Variants in CORO2B observed in about 807,000 individuals in gnomAD.
CORO2B encodes coronin-2B.
A neutral mutation model predicts 58.8 loss-of-function variants in CORO2B; 26 were observed. The ratio of observed to expected loss-of-function variants is 0.44; its 90% CI spans 0.32 to 0.61. The LOEUF is 0.61. Ranked by LOEUF, CORO2B falls within the 20% of genes least tolerant of loss-of-function variation. The pLI is 0.04. For missense variants in CORO2B, 460 were observed against 645.1 expected (o/e 0.71, Z 3.11); for synonymous variants, 242 against 253.8 (o/e 0.95, Z 0.44).
intron 8 of CORO2B, among the ~76,000 whole-genome samples, chr15:68,717,043 C>G (rs185592014): frequency 2.0e-5 from 3 of 152,258 alleles, no homozygotes; most frequent in Admixed American, 6.5e-5. Flanking sequence ...GTGGCTCAAG[C>G]CTGTAATCCT....
At chr15:68,580,367 TG>T (rs1469142679) in intron 1 of CORO2B, among the ~76,000 whole-genome samples, 1 of 142,772 alleles carries the variant, frequency 7.0e-6, no homozygotes, top group African/African-American at 2.5e-5. Context: ...CAGCCCAGAG[TG>T]GGGTCAGATG....
At chr15:68,568,784 C>A in the CORO2B span, among the ~76,000 whole-genome samples, 1 of 152,028 alleles carries the variant, frequency 6.6e-6, no homozygotes, top group African/African-American at 2.4e-5. Flanking sequence ...ACAATGGGAA[C>A]ACATGGACAC....
chr15:68,543,415 C>G, the CORO2B span, among the ~76,000 whole-genome samples: 1 of 152,154 alleles, frequency 6.6e-6, no homozygotes, highest in Admixed American at 6.5e-5. Context: ...CAGCCTGGGC[C>G]AGGTCAACAC....
At chr15:68,547,192 CAA>C in the CORO2B span, among the ~76,000 whole-genome samples, 3 of 152,082 alleles carry the variant, frequency 2.0e-5, no homozygotes, top group African/African-American at 7.2e-5. Flanking sequence ...GCAGCCAATG[CAA>C]AGAGAGCAAC....
chr15:68,673,893 G>C (rs943301025), intron 2 of CORO2B, among the ~76,000 whole-genome samples: 1 of 151,702 alleles, frequency 6.6e-6, no homozygotes, highest in Non-Finnish European at 1.5e-5. Flanking sequence ...AGCACCGTGG[G>C]TGACTAACTA....
intron 1 of CORO2B, among the ~76,000 whole-genome samples, chr15:68,617,573 G>T: frequency 6.6e-6 from 1 of 152,188 alleles, no homozygotes; most frequent in African/African-American, 2.4e-5. Flanking sequence ...GTGTGTGTGT[G>T]TATGCACATG....
intron 1 of CORO2B, among the ~76,000 whole-genome samples, chr15:68,635,291 G>A (rs927870775): frequency 2.0e-5 from 3 of 152,210 alleles, no homozygotes; most frequent in Non-Finnish European, 4.4e-5. Context: ...AAATAGGTCA[G>A]GAGTCTGGCA....
At chr15:68,614,551 A>C (rs1900308606) in intron 1 of CORO2B, among the ~76,000 whole-genome samples, 1 of 152,186 alleles carries the variant, frequency 6.6e-6, no homozygotes, top group South Asian at 2.1e-4. Flanking sequence ...TTTTAAAGAA[A>C]AGACATGGGG....
At chr15:68,607,587 G>C (rs1445615626) in intron 1 of CORO2B, among the ~76,000 whole-genome samples, 1 of 152,114 alleles carries the variant, frequency 6.6e-6, no homozygotes, top group East Asian at 1.9e-4. Context: ...GGAGACCGAG[G>C]TGGCAGGATC....
At chr15:68,718,954 T>C in intron 9 of CORO2B, 144 bp downstream of exon 9, 1 of 852,786 alleles carries the variant, frequency 1.2e-6, no homozygotes, top group Non-Finnish European at 1.9e-6. Flanking sequence ...TGAGGGGCAT[T>C]CTCAGATGGG....
At chr15:68,574,905 A>G (rs1441166772), upstream of CORO2B, among the ~76,000 whole-genome samples, 1 of 152,208 alleles carries the variant, frequency 6.6e-6, no homozygotes, top group Non-Finnish European at 1.5e-5. Flanking sequence ...CCCAGGAAAG[A>G]GCATGGCCTA....
intron 1 of CORO2B, among the ~76,000 whole-genome samples, chr15:68,624,165 T>C (rs979604187): frequency 5.3e-5 from 8 of 152,170 alleles, no homozygotes; most frequent in African/African-American, 1.7e-4. Context: ...AGGTAATCCA[T>C]GTCAGGGTGC....
Position 68,718,699 on chromosome 15 carries a change from G to C in CORO2B, c.969G>C (p.Gly323=). The part of the protein sequence containing the change: ...FRSPAPQKGL[G]VMPKHGLDVS... ...GAGCCACATGTGTGCCTGTTACAGG[G>C]GTCATGCCCAAGCACGGGCTGGATG... Residue 323 remains glycine (G), a splice_region_variant and synonymous_variant, in exon 9 of 12, where the codon GGG becomes GGC. Coordinates refer to ENST00000261861, the MANE Select transcript of CORO2B (RefSeq NM_006091.5). 6.2e-7 allele frequency: 1 copy of C among 1,613,836 alleles called. No individual in the cohort carries two copies. Among genetic ancestry groups the C allele is most frequent in the Non-Finnish European group, 8.5e-7 (1 of 1,179,828 alleles).
At chr15:68,602,033 A>T (rs1458558723) in intron 1 of CORO2B, among the ~76,000 whole-genome samples, 1 of 150,848 alleles carries the variant, frequency 6.6e-6, no homozygotes, top group Non-Finnish European at 1.5e-5. Context: ...TTTTAAATAA[A>T]TGCCTTAATC....
chr15:68,661,448 A>G (rs1390701610), intron 2 of CORO2B, among the ~76,000 whole-genome samples: 2 of 152,218 alleles, frequency 1.3e-5, no homozygotes, highest in African/African-American at 2.4e-5. Context: ...AAAACATTCA[A>G]CCAATCCAGA....
chr15:68,672,452 TTG>T (rs908444558), intron 2 of CORO2B, among the ~76,000 whole-genome samples: 22 of 152,066 alleles, frequency 1.4e-4, no homozygotes, highest in Middle Eastern at 3.4e-3. Flanking sequence ...TGGCTAATTT[TTG>T]TGTGTGTACA....
chr15:68,576,152 C>CAAAAAAAAAAAAAAAAA (rs3985627), upstream of CORO2B, among the ~76,000 whole-genome samples: 3 of 62,192 alleles, frequency 4.8e-5, no homozygotes, highest in Non-Finnish European at 8.1e-5. Flanking sequence ...GACTACGTCG[C>CAAAAAAAAAAAAAAAAA]AAAAAAAAAA....
At chr15:68,650,354 TCTAAAAAAAAAAAAAAAAAAAAAAA>T in intron 2 of CORO2B, among the ~76,000 whole-genome samples, 1 of 45,538 alleles carries the variant, frequency 2.2e-5, no homozygotes, top group African/African-American at 8.2e-5. Context: ...CGAAACTCTG[TCTAAAAAAAAAAAAAAAAAAAAAAA>T]AAAAAAAAAA....
chr15:68,599,623 A>T (rs1001288000), intron 1 of CORO2B, among the ~76,000 whole-genome samples: 1 of 152,042 alleles, frequency 6.6e-6, no homozygotes, highest in African/African-American at 2.4e-5. Context: ...CTGCCCAGAC[A>T]GATCTGGGTT....
Sources: allele counts gnomAD v4.1 joint callset (sites outside exome capture counted in the v4.1 genomes callset), GRCh38; gene constraint gnomAD v4.1.1; transcripts MANE v1.5; gene names NCBI Gene and HGNC (gene_info 2026-07-23, HGNC 2026-07-21).